AMPH: variants seen among roughly 807,000 people sequenced by gnomAD.
The protein encoded by AMPH is amphiphysin (Stiff-Mann syndrome with breast cancer 128kD autoantigen).
A neutral mutation model predicts 99.1 loss-of-function variants in AMPH; 49 were observed. The ratio of observed to expected loss-of-function variants is 0.49; its 90% CI spans 0.39 to 0.63. The LOEUF (loss-of-function observed/expected upper bound fraction) is 0.63, where lower values mean the gene tolerates loss of function less well. Among genes scored for constraint, AMPH ranks in the 20% least tolerant of loss-of-function variants. AMPH has a pLI of 0.00. For missense variants in AMPH, 759 were observed against 863.4 expected (o/e 0.88, Z 1.52); for synonymous variants, 314 against 317.3 (o/e 0.99, Z 0.11).
chr7:38,388,106 A>C (rs1784394715), intron 20 of AMPH, among the ~76,000 whole-genome samples: 1 of 152,212 alleles, frequency 6.6e-6, no homozygotes, highest in African/African-American at 2.4e-5. Context: ...GAAATAGCTA[A>C]AGGAAGTTCT....
intron 1 of AMPH, among the ~76,000 whole-genome samples, chr7:38,585,565 A>G (rs780975188): frequency 1.3e-5 from 2 of 152,190 alleles, no homozygotes; most frequent in Non-Finnish European, 2.9e-5. Flanking sequence ...ACACATATGG[A>G]TCTTTGAGGA....
At chr7:38,446,353 T>C (rs182784795) in intron 11 of AMPH, among the ~76,000 whole-genome samples, 1 of 152,320 alleles carries the variant, frequency 6.6e-6, no homozygotes, top group East Asian at 1.9e-4. Context: ...ACACAAATAT[T>C]TGTATACAAG....
At chr7:38,623,043 C>T (rs1794126114) in intron 1 of AMPH, among the ~76,000 whole-genome samples, 1 of 152,180 alleles carries the variant, frequency 6.6e-6, no homozygotes, top group African/African-American at 2.4e-5. Context: ...AAACCATTGA[C>T]TCATTTAAAG....
chr7:38,628,795 T>G (rs1044500400), intron 1 of AMPH, among the ~76,000 whole-genome samples: 4 of 152,210 alleles, frequency 2.6e-5, no homozygotes, highest in African/African-American at 7.2e-5. Context: ...AGCCTTGTGG[T>G]TTTTTTCTGC....
intron 1 of AMPH, among the ~76,000 whole-genome samples, chr7:38,589,686 A>G (rs561048825): frequency 6.6e-6 from 1 of 152,338 alleles, no homozygotes; most frequent in South Asian, 2.1e-4. Flanking sequence ...CAGGCTTTGC[A>G]TTTGATTGCT....
At chr7:38,444,633 G>T (rs768601766) in intron 11 of AMPH, among the ~76,000 whole-genome samples, 19 of 152,080 alleles carry the variant, frequency 1.2e-4, no homozygotes, top group Non-Finnish European at 2.5e-4. Context: ...CTCCCCTAGA[G>T]CCTTCAGAGA....
At position 38,423,614 on chromosome 7, in the gene AMPH, T is replaced by C. The variant is rs530219253; in HGVS notation, c.1216-1137A>G. 4.6e-5 allele frequency among the ~76,000 whole-genome samples: 7 copies of C among 152,272 alleles called. No homozygotes were observed. In the South Asian group the frequency reaches 1.5e-3, roughly 32 times the overall value. On this transcript the variant is annotated intron_variant, in intron 15 of 20. Transcript: ENST00000356264. ...AGATAGAAACAACAAAATGTTGAAA[T>C]TGGAAAGCAGATGAAAGAGTAGTAA... is the stretch of plus-strand genomic sequence containing the variant.
At chr7:38,478,916 A>G (rs1460332106) in intron 5 of AMPH, among the ~76,000 whole-genome samples, 1 of 152,148 alleles carries the variant, frequency 6.6e-6, no homozygotes, top group East Asian at 1.9e-4. Flanking sequence ...AATTATTTCC[A>G]TTAAAACACA....
intron 11 of AMPH, among the ~76,000 whole-genome samples, chr7:38,448,896 T>A (rs1247496353): frequency 6.6e-6 from 1 of 152,190 alleles, no homozygotes; most frequent in Non-Finnish European, 1.5e-5. Flanking sequence ...TGACTTTGTT[T>A]TTTATTAGAA....
At chr7:38,506,875 C>G (rs1268649634) in intron 2 of AMPH, among the ~76,000 whole-genome samples, 1 of 152,156 alleles carries the variant, frequency 6.6e-6, no homozygotes, top group East Asian at 1.9e-4. Context: ...TCTGCTGTAC[C>G]AGTCATGGTC....
chr7:38,460,504 A>T (rs1442008496), intron 11 of AMPH, among the ~76,000 whole-genome samples: 2 of 152,174 alleles, frequency 1.3e-5, no homozygotes, highest in Non-Finnish European at 1.5e-5. Flanking sequence ...GTATAGACAC[A>T]CACACACTAC....
At chr7:38,491,250 C>T (rs1788710158) in intron 4 of AMPH, 105 bp from the exon 5 acceptor site, 1 of 759,726 alleles carries the variant, frequency 1.3e-6, no homozygotes, top group African/African-American at 1.8e-5. Context: ...AATACTTTCC[C>T]AGATATGAGA....
At position 38,568,369 on chromosome 7, in the gene AMPH, G is replaced by A. The variant is rs541563631; in HGVS notation, c.70-33358C>T. Among the ~76,000 whole-genome samples the A allele has an allele frequency of 2.6e-5, 4 of 152,296 alleles. No individual in the cohort carries two copies. The South Asian group carries it at 8.3e-4, about 32-fold the overall frequency. On this transcript the variant is annotated intron_variant, in intron 1 of 20. Transcript: ENST00000356264. Reference sequence around the variant, plus strand: ...AGTCCCAGCTACTCAGGAGGCTGACGCAGGAGGATGGCATGAACCTGGGAG... The same window carrying A: ...AGTCCCAGCTACTCAGGAGGCTGACACAGGAGGATGGCATGAACCTGGGAG...
At chr7:38,602,689 A>G (rs912543495) in intron 1 of AMPH, among the ~76,000 whole-genome samples, 2 of 152,246 alleles carry the variant, frequency 1.3e-5, no homozygotes, top group African/African-American at 2.4e-5. Flanking sequence ...AGGTAAGGCA[A>G]GATATTAAAA....
intron 3 of AMPH, among the ~76,000 whole-genome samples, chr7:38,497,628 G>A (rs968557849): frequency 3.3e-5 from 5 of 152,126 alleles, no homozygotes; most frequent in Admixed American, 1.3e-4. Context: ...AATAAATTAC[G>A]ATGATAACAA....
intron 11 of AMPH, among the ~76,000 whole-genome samples, chr7:38,441,281 A>G (rs1238186559): frequency 6.6e-6 from 1 of 152,150 alleles, no homozygotes; most frequent in African/African-American, 2.4e-5. Flanking sequence ...TTTTATAGGA[A>G]AGACTTCAAT....
chr7:38,399,110 CACTTTAG>C (rs144758672), intron 17 of AMPH, among the ~76,000 whole-genome samples: 8,825 of 152,240 alleles, frequency 0.058, 356 homozygotes, highest in East Asian at 0.19. Flanking sequence ...AAGGAATTGG[CACTTTAG>C]ACTTTAAAGA....
chr7:38,573,969 C>A (rs1309961406), intron 1 of AMPH, among the ~76,000 whole-genome samples: 1 of 152,158 alleles, frequency 6.6e-6, no homozygotes, highest in Non-Finnish European at 1.5e-5. Flanking sequence ...GTAACTTGAC[C>A]ACTTGCTAAT....
At chr7:38,610,836 G>C (rs1793658767) in intron 1 of AMPH, among the ~76,000 whole-genome samples, 1 of 152,150 alleles carries the variant, frequency 6.6e-6, no homozygotes, top group Non-Finnish European at 1.5e-5. Context: ...AGCTCATAGA[G>C]ACAAGAGTTA....
Sources: allele counts gnomAD v4.1 joint callset (sites outside exome capture counted in the v4.1 genomes callset), GRCh38; gene constraint gnomAD v4.1.1; transcripts MANE v1.5; gene names NCBI Gene and HGNC (gene_info 2026-07-23, HGNC 2026-07-21).